CERT1: variants seen among roughly 807,000 people sequenced by gnomAD.
CERT1 encodes the protein ceramide transfer protein.
A neutral mutation model predicts 87.9 loss-of-function variants in CERT1; 31 were observed. The observed-to-expected ratio is 0.35, with a 90% CI of 0.27 to 0.48. CERT1 has a LOEUF of 0.48. Among genes scored for constraint, CERT1 ranks in the 20% least tolerant of loss-of-function variants. The pLI is 0.99. For synonymous variants in CERT1, 289 were observed against 250.9 expected (o/e 1.15, Z -1.44); for missense variants, 487 against 758.0 (o/e 0.64, Z 4.20).
chr5:75,469,551 TA>T (rs1052887697), intron 2 of CERT1, among the ~76,000 whole-genome samples: 31 of 144,242 alleles, frequency 2.1e-4, no homozygotes, highest in Non-Finnish European at 3.6e-4. Context: ...TTAAAATAAC[TA>T]TTTTTTTTTG....
rs145473826 is a variant in CERT1 at position 75,455,117 on chromosome 5, G to A, written c.348+3948C>T. On this transcript the variant is annotated intron_variant, in intron 3 of 16. Coordinates refer to ENST00000643780, the MANE Select transcript of CERT1 (RefSeq NM_001379029.1). ...AAAAGTATGTTCAGCAAATAGATGC[G>A]ATGCAATGCCTACAGCCAGCACTGG... is the stretch of plus-strand genomic sequence containing the variant. Among the ~76,000 whole-genome samples the A allele has an allele frequency of 6.8e-4, 104 of 152,208 alleles. 1 individual carries two copies. The highest frequency in any genetic ancestry group is 2.4e-3 in the African/African-American group (98 of 41,546).
At chr5:75,453,104 T>A (rs1764828638) in intron 3 of CERT1, among the ~76,000 whole-genome samples, 2 of 152,304 alleles carry the variant, frequency 1.3e-5, no homozygotes, top group East Asian at 1.9e-4. Flanking sequence ...AATCATACAG[T>A]CATTTCGTTA....
chr5:75,470,986 A>G (rs931966204), intron 2 of CERT1, among the ~76,000 whole-genome samples: 5 of 152,184 alleles, frequency 3.3e-5, no homozygotes, highest in African/African-American at 1.2e-4. Context: ...TCCCATTTAG[A>G]ATAGCTACAA....
chr5:75,507,831 A>C (rs1221237540), intron 1 of CERT1, among the ~76,000 whole-genome samples: 6 of 152,154 alleles, frequency 3.9e-5, no homozygotes, highest in Non-Finnish European at 8.8e-5. Flanking sequence ...CACAGAAGAT[A>C]CTCAATACCT....
At chr5:75,421,362 T>A (rs914330523) in intron 5 of CERT1, among the ~76,000 whole-genome samples, 6 of 152,206 alleles carry the variant, frequency 3.9e-5, no homozygotes, top group African/African-American at 1.4e-4. Flanking sequence ...TACTGGACTA[T>A]TTCATTTTTT....
intron 11 of CERT1, among the ~76,000 whole-genome samples, chr5:75,392,755 G>C (rs1483826527): frequency 2.0e-5 from 3 of 151,782 alleles, no homozygotes; most frequent in African/African-American, 7.3e-5. Context: ...AGATCACAAG[G>C]TCAGGAGTTC....
At chr5:75,370,903 G>T in intron 17 of CERT1, 1 of 138,488 alleles carries the variant, frequency 7.2e-6, no homozygotes, top group Non-Finnish European at 1.5e-5. Flanking sequence ...AGTGAGCCAA[G>T]ATCCCACCAC....
rs1042151560 is a variant in CERT1, at chr5:75,437,783, A to G, written c.349-11305T>C. On this transcript the variant is annotated intron_variant, in intron 3 of 16. Coordinates refer to ENST00000643780, the MANE Select transcript of CERT1 (RefSeq NM_001379029.1). ...TCTGTCTCATTAAAAAAAAAAAAAA[A>G]AAAGAAAAAAGAAAAGATAGTATAC... Among the ~76,000 whole-genome samples, 27 of 151,214 alleles carry G rather than the reference A, an allele frequency of 1.8e-4. 1 individual carries two copies. The highest frequency in any genetic ancestry group is 8.4e-4 in the South Asian group (4 of 4,770).
intron 2 of CERT1, among the ~76,000 whole-genome samples, chr5:75,472,846 C>T (rs1296916844): frequency 6.6e-6 from 1 of 152,046 alleles, no homozygotes; most frequent in Non-Finnish European, 1.5e-5. Context: ...AAAGAAAACA[C>T]CATGGAGGTT....
chr5:75,435,612 T>C (rs185239870), intron 3 of CERT1, among the ~76,000 whole-genome samples: 10 of 152,282 alleles, frequency 6.6e-5, no homozygotes, highest in Admixed American at 6.5e-4. Flanking sequence ...TTTTATATTG[T>C]TTGAGGCTCT....
chr5:75,446,882 G>A lies in CERT1; in HGVS notation c.348+12183C>T, dbSNP rs542131651. ...AAGGAGAAAAGTTAAGGAGAAAGAG[G>A]GCATTGGCCCTTCAAGTCTCCTAGA... On this transcript the variant is annotated intron_variant, in intron 3 of 16. Coordinates refer to ENST00000643780, the MANE Select transcript of CERT1 (RefSeq NM_001379029.1). 3.9e-5 allele frequency among the ~76,000 whole-genome samples: 6 copies of A among 152,288 alleles called. No homozygotes were observed. The South Asian group carries it at 1.2e-3, about 32-fold the overall frequency.
intron 2 of CERT1, among the ~76,000 whole-genome samples, chr5:75,485,491 C>A (rs923847936): frequency 5.3e-5 from 8 of 151,476 alleles, no homozygotes; most frequent in Non-Finnish European, 8.8e-5. Context: ...GCAAACCAAA[C>A]CCCAAATTAG....
chr5:75,473,173 T>C lies in CERT1; in HGVS notation c.232-13992A>G, dbSNP rs1765793829. Among the ~76,000 whole-genome samples, 3 of 152,092 alleles carry C rather than the reference T, an allele frequency of 2.0e-5. No homozygotes were observed. The South Asian group carries it at 6.2e-4, about 32-fold the overall frequency. The stretch of plus-strand genomic sequence containing the variant: ...ATAGCTCACTGCAACCTTGGACTCT[T>C]GGGGTGAAGTGATCCTCCTGCCCCA... On this transcript the variant is annotated intron_variant, in intron 2 of 16. Transcript: ENST00000643780.
chr5:75,395,749 C>A (rs546537906), intron 11 of CERT1, among the ~76,000 whole-genome samples: 2 of 151,992 alleles, frequency 1.3e-5, no homozygotes, highest in South Asian at 4.2e-4. Context: ...GTAATCCCAG[C>A]TGAGACAGGA....
At chr5:75,488,435 T>C (rs1766627693) in intron 2 of CERT1, among the ~76,000 whole-genome samples, 1 of 152,258 alleles carries the variant, frequency 6.6e-6, no homozygotes, top group Middle Eastern at 3.4e-3. Context: ...TTTACTTTTA[T>C]ATAGAACTTG....
chr5:75,400,428 T>G (rs1223850915), intron 9 of CERT1, 131 bp from the exon 10 acceptor site: 2 of 595,228 alleles, frequency 3.4e-6, no homozygotes, highest in Non-Finnish European at 5.9e-6. Flanking sequence ...ATTAGAATTA[T>G]GAAACTACTC....
intron 7 of CERT1, among the ~76,000 whole-genome samples, chr5:75,414,694 A>G (rs1763069276): frequency 6.6e-6 from 1 of 152,180 alleles, no homozygotes; most frequent in Non-Finnish European, 1.5e-5. Flanking sequence ...ACAAAATAGT[A>G]TTTTCAATTA....
chr5:75,453,348 A>G (rs1252674573), intron 3 of CERT1, among the ~76,000 whole-genome samples: 1 of 152,214 alleles, frequency 6.6e-6, no homozygotes, highest in East Asian at 1.9e-4. Flanking sequence ...TCCTACAAAG[A>G]AGTTTAATAA....
chr5:75,371,281 T>C (rs931749768), intron 17 of CERT1: 17 of 152,208 alleles, frequency 1.1e-4, no homozygotes, highest in Non-Finnish European at 2.5e-4. Flanking sequence ...TTTGAGTCTG[T>C]AGATGAACCA....
Sources: allele counts gnomAD v4.1 joint callset (sites outside exome capture counted in the v4.1 genomes callset), GRCh38; gene constraint gnomAD v4.1.1; transcripts MANE v1.5; gene names NCBI Gene and HGNC (gene_info 2026-07-23, HGNC 2026-07-21).